Variants in OR9Q1 observed in about 807,000 individuals in gnomAD.
The protein encoded by OR9Q1 is olfactory receptor family 9 subfamily Q member 1, also known as olfactory receptor 9Q1.
For missense variants in OR9Q1, 374 were observed against 378.8 expected, an observed-to-expected ratio of 0.99 and a Z score of 0.11; for synonymous variants, 153 against 148.6, an observed-to-expected ratio of 1.03 and a Z score of -0.22.
chr11:58,104,230 C>T (rs898179058), intron 2 of OR9Q1, among the ~76,000 whole-genome samples: 9 of 151,540 alleles, frequency 5.9e-5, no homozygotes, highest in Non-Finnish European at 1.3e-4. Flanking sequence ...GTATTTTGTA[C>T]AAGGCCATGA....
chr11:58,169,695 C>T (rs1489705949), intron 2 of OR9Q1, among the ~76,000 whole-genome samples: 2 of 152,072 alleles, frequency 1.3e-5, no homozygotes, highest in African/African-American at 4.8e-5. Flanking sequence ...TTCTCATTAT[C>T]CCCCTTCTTC....
chr11:58,132,747 G>A (rs1159868786), intron 2 of OR9Q1, among the ~76,000 whole-genome samples: 1 of 152,184 alleles, frequency 6.6e-6, no homozygotes, highest in African/African-American at 2.4e-5. Context: ...CAGACAAGAT[G>A]AAGGTTGAGT....
At chr11:58,082,262 G>A (rs1372165984) in intron 2 of OR9Q1, among the ~76,000 whole-genome samples, 1 of 151,866 alleles carries the variant, frequency 6.6e-6, no homozygotes, top group Non-Finnish European at 1.5e-5. Flanking sequence ...CCATTACTGG[G>A]AATATACCCA....
At chr11:58,070,557 C>T (rs925160394) in intron 2 of OR9Q1, among the ~76,000 whole-genome samples, 24 of 152,202 alleles carry the variant, frequency 1.6e-4, no homozygotes, top group African/African-American at 5.8e-4. Flanking sequence ...CCGCAGGCTC[C>T]TCCAGGACCA....
intron 2 of OR9Q1, among the ~76,000 whole-genome samples, chr11:58,142,224 C>T (rs1193755872): frequency 1.3e-5 from 2 of 151,974 alleles, no homozygotes; most frequent in African/African-American, 4.8e-5. Context: ...GAATATATTT[C>T]TTCTTTTTTG....
At chr11:58,137,966 A>T (rs538337782) in intron 2 of OR9Q1, among the ~76,000 whole-genome samples, 1 of 152,312 alleles carries the variant, frequency 6.6e-6, no homozygotes, top group East Asian at 1.9e-4. Flanking sequence ...ATAGAACAGG[A>T]TGCATCATTT....
intron 2 of OR9Q1, among the ~76,000 whole-genome samples, chr11:58,088,028 C>T (rs1423392400): frequency 2.0e-5 from 3 of 151,832 alleles, no homozygotes; most frequent in Non-Finnish European, 4.4e-5. Context: ...TCTGGGATTA[C>T]AGGGGCACAC....
intron 2 of OR9Q1, among the ~76,000 whole-genome samples, chr11:58,165,804 C>A (rs959172782): frequency 1.3e-5 from 2 of 152,228 alleles, no homozygotes; most frequent in African/African-American, 4.8e-5. Flanking sequence ...ACATTTCCCG[C>A]TCCCAAGTAC....
chr11:58,047,988 G>A (rs1250189242), intron 1 of OR9Q1, among the ~76,000 whole-genome samples: 2 of 152,160 alleles, frequency 1.3e-5, no homozygotes, highest in Non-Finnish European at 2.9e-5. Flanking sequence ...TGAAAAAAGA[G>A]CTCTGTTTTC....
chr11:58,062,287 G>C (rs1853387188), intron 2 of OR9Q1, among the ~76,000 whole-genome samples: 2 of 152,174 alleles, frequency 1.3e-5, no homozygotes, highest in Admixed American at 1.3e-4. Context: ...GACAAACAGA[G>C]TTTAGCTCGG....
intron 2 of OR9Q1, among the ~76,000 whole-genome samples, chr11:58,153,295 T>C (rs1854371986): frequency 6.6e-6 from 1 of 152,208 alleles, no homozygotes; most frequent in Non-Finnish European, 1.5e-5. Flanking sequence ...CCTTGGCTTT[T>C]AGAGTTTAAG....
At chr11:58,025,549 C>T (rs1461155968) in intron 1 of OR9Q1, among the ~76,000 whole-genome samples, 1 of 152,130 alleles carries the variant, frequency 6.6e-6, no homozygotes, top group Admixed American at 6.5e-5. Flanking sequence ...ACACATGACC[C>T]GAAGACGTGT....
chr11:58,153,798 G>A (rs1315355970), intron 2 of OR9Q1, among the ~76,000 whole-genome samples: 2 of 152,096 alleles, frequency 1.3e-5, no homozygotes, highest in East Asian at 3.9e-4. Flanking sequence ...CTGTATAAAT[G>A]TAACAGAATA....
intron 2 of OR9Q1, among the ~76,000 whole-genome samples, chr11:58,140,491 A>G (rs1422037237): frequency 6.6e-6 from 1 of 152,160 alleles, no homozygotes. Context: ...ATCCAGTTTC[A>G]GCTTTCTACA....
At chr11:58,171,491 T>C (rs954371505) in intron 2 of OR9Q1, 1 of 152,240 alleles carries the variant, frequency 6.6e-6, no homozygotes, top group African/African-American at 2.4e-5. Context: ...TAGGCAAAGA[T>C]TCCTCAACCT....
At chr11:58,156,266 C>A (rs1162718661) in intron 2 of OR9Q1, among the ~76,000 whole-genome samples, 2 of 152,050 alleles carry the variant, frequency 1.3e-5, no homozygotes. Flanking sequence ...TTTATAAAGC[C>A]TAGAAATTCA....
intron 1 of OR9Q1, chr11:58,026,904 CTT>C (rs1852981012): frequency 6.6e-6 from 1 of 152,052 alleles, no homozygotes; most frequent in Admixed American, 6.6e-5. Context: ...TCTTTTAACT[CTT>C]TGAATGTTGT....
intron 2 of OR9Q1, among the ~76,000 whole-genome samples, chr11:58,119,799 C>T (rs1436012240): frequency 6.6e-6 from 1 of 151,412 alleles, no homozygotes; most frequent in African/African-American, 2.5e-5. Flanking sequence ...ACCACACGGT[C>T]ACTCAGTTGC....
At chr11:58,144,812 A>G (rs1211158305) in intron 2 of OR9Q1, 3 of 127,738 alleles carry the variant, frequency 2.3e-5, no homozygotes, top group Non-Finnish European at 1.8e-5. Flanking sequence ...GCTAGCATTG[A>G]GTGTTTCCTT....
Sources: gnomAD v4.1 joint callset for allele counts (sites outside exome capture counted in the v4.1 genomes callset) on GRCh38, gnomAD v4.1.1 for gene constraint, MANE v1.5 for transcripts, NCBI Gene and HGNC (gene_info 2026-07-23, HGNC 2026-07-21) for gene names.